Variants in RARB observed in about 807,000 individuals in gnomAD.
The protein encoded by RARB is retinoic acid receptor beta.
A neutral mutation model predicts 51.9 loss-of-function variants in RARB; 17 were observed. The ratio of observed to expected loss-of-function variants is 0.33; its 90% CI spans 0.22 to 0.49. The LOEUF (loss-of-function observed/expected upper bound fraction) is 0.49, where lower values mean the gene tolerates loss of function less well. Ranked by LOEUF, RARB falls within the 20% of genes least tolerant of loss-of-function variation. The probability of loss-of-function intolerance (pLI) is 0.99; values close to 1 mark genes in which losing one functional copy is unlikely to be tolerated. For synonymous variants in RARB, 215 were observed against 195.4 expected, an observed-to-expected ratio of 1.10 and a Z score of -0.84; for missense variants, 369 against 550.8, an observed-to-expected ratio of 0.67 and a Z score of 3.30.
intron 2 of RARB, among the ~76,000 whole-genome samples, chr3:24,996,917 G>T (rs904088054): frequency 6.6e-6 from 1 of 152,112 alleles, no homozygotes; most frequent in East Asian, 1.9e-4. Flanking sequence ...TTTATGAAAA[G>T]AATGTATATT....
chr3:25,205,696 C>T (rs1221508084), intron 5 of RARB, among the ~76,000 whole-genome samples: 3 of 152,000 alleles, frequency 2.0e-5, no homozygotes, highest in Non-Finnish European at 2.9e-5. Flanking sequence ...TAAATATGTG[C>T]ATCTATTATG....
At chr3:25,146,799 A>G (rs868721576) in intron 4 of RARB, among the ~76,000 whole-genome samples, 10 of 152,114 alleles carry the variant, frequency 6.6e-5, no homozygotes, top group South Asian at 4.2e-4. Context: ...GATTACAGGC[A>G]TGAGCCACGG....
chr3:25,308,452 T>C (rs552844794), intron 5 of RARB, among the ~76,000 whole-genome samples: 75 of 148,972 alleles, frequency 5.0e-4, no homozygotes, highest in African/African-American at 1.4e-3. Context: ...TTCTTTCTTT[T>C]TTTTTTTTTT....
chr3:25,417,630 G>A (rs1172234338), intron 5 of RARB, among the ~76,000 whole-genome samples: 1 of 152,176 alleles, frequency 6.6e-6, no homozygotes, highest in Non-Finnish European at 1.5e-5. Context: ...TCATGGAACT[G>A]TGAGTCCGTT....
chr3:24,987,086 A>G (rs1298586059), intron 2 of RARB, among the ~76,000 whole-genome samples: 3 of 152,112 alleles, frequency 2.0e-5, no homozygotes, highest in African/African-American at 4.8e-5. Flanking sequence ...TGGTGCTATA[A>G]CTCTTCTTAG....
At chr3:25,525,158 A>C (rs1698593146) in intron 3 of RARB, among the ~76,000 whole-genome samples, 2 of 152,210 alleles carry the variant, frequency 1.3e-5, no homozygotes, top group Non-Finnish European at 2.9e-5. Context: ...TCAAAAGTCC[A>C]TATGTTCATG....
chr3:25,349,245 G>A (rs1705487402), intron 5 of RARB, among the ~76,000 whole-genome samples: 1 of 152,178 alleles, frequency 6.6e-6, no homozygotes, highest in African/African-American at 2.4e-5. Context: ...TCCCCAGGGT[G>A]AATTAATTGC....
intron 5 of RARB, among the ~76,000 whole-genome samples, chr3:25,352,580 T>G (rs145457369): frequency 6.6e-4 from 101 of 152,340 alleles, no homozygotes; most frequent in African/African-American, 2.4e-3. Context: ...AAACTTAATG[T>G]TTTTCTTGTC....
At chr3:25,471,987 T>G (rs1695721123) in intron 2 of RARB, among the ~76,000 whole-genome samples, 1 of 152,194 alleles carries the variant, frequency 6.6e-6, no homozygotes, top group South Asian at 2.1e-4. Context: ...CTTCCCACTC[T>G]CTACAGTTGC....
chr3:25,390,429 A>G (rs1461024727), intron 5 of RARB, among the ~76,000 whole-genome samples: 1 of 152,204 alleles, frequency 6.6e-6, no homozygotes, highest in African/African-American at 2.4e-5. Context: ...CTCCAGAATT[A>G]TGAGCAATAA....
intron 2 of RARB, among the ~76,000 whole-genome samples, chr3:25,038,059 C>CA (rs35763212): frequency 0.018 from 2,794 of 152,208 alleles, 94 homozygotes; most frequent in African/African-American, 0.064. Context: ...TAAACCTCTC[C>CA]AATATCACTT....
intron 5 of RARB, among the ~76,000 whole-genome samples, chr3:25,365,483 C>A (rs1434723888): frequency 6.6e-6 from 1 of 152,022 alleles, no homozygotes; most frequent in Non-Finnish European, 1.5e-5. Context: ...TGTTGTGTAA[C>A]AAACCACCCA....
chr3:25,283,541 C>G (rs1173548730), intron 5 of RARB, among the ~76,000 whole-genome samples: 1 of 152,182 alleles, frequency 6.6e-6, no homozygotes, highest in Non-Finnish European at 1.5e-5. Context: ...TACCTGACAC[C>G]TTAGAGGTGG....
rs55699410 is a variant in RARB, at chr3:25,558,529, C to CT, written c.449-11210dup. Among the ~76,000 whole-genome samples the CT allele has an allele frequency of 2.1e-3, 266 of 129,512 alleles. 1 individual carries two copies. Among genetic ancestry groups the CT allele is most frequent in the South Asian group, 5.4e-3 (23 of 4,262 alleles). 85.0% of individuals were successfully genotyped at this position (129,512 alleles called of 152,430 possible). On this transcript the variant is annotated intron_variant, in intron 3 of 7. Coordinates refer to ENST00000330688, the MANE Select transcript of RARB (RefSeq NM_000965.5). ...AATTCCCAAGGATTAGTTCCTGGCC[C>CT]TTTTTTTTTTTTTTTTTTTATCTTT...
intron 5 of RARB, among the ~76,000 whole-genome samples, chr3:25,418,341 T>C (rs1391570794): frequency 6.6e-6 from 1 of 152,204 alleles, no homozygotes; most frequent in Non-Finnish European, 1.5e-5. Context: ...CATTACATGG[T>C]ACCAGAGAAT....
At chr3:24,896,063 G>A (rs745470657) in intron 2 of RARB, among the ~76,000 whole-genome samples, 2 of 152,192 alleles carry the variant, frequency 1.3e-5, no homozygotes, top group Admixed American at 1.3e-4. Flanking sequence ...ATGATGCAAC[G>A]TGTATGAGCC....
intron 1 of RARB, among the ~76,000 whole-genome samples, chr3:24,834,419 T>C (rs867317657): frequency 6.6e-6 from 1 of 152,232 alleles, no homozygotes; most frequent in African/African-American, 2.4e-5. Context: ...GCATGTTCAA[T>C]GTTGTATACA....
chr3:25,573,313 G>GA (rs1700785309), intron 4 of RARB, among the ~76,000 whole-genome samples: 2 of 152,120 alleles, frequency 1.3e-5, no homozygotes, highest in Non-Finnish European at 2.9e-5. Flanking sequence ...GGCCTCCAGG[G>GA]CCCTTTCCTA....
chr3:25,313,795 C>T (rs566834661), intron 5 of RARB, among the ~76,000 whole-genome samples: 92 of 152,150 alleles, frequency 6.0e-4, no homozygotes, highest in Middle Eastern at 6.8e-3. Context: ...ACAGTCCAGG[C>T]GTGGTGGTTC....
Sources: gnomAD v4.1 joint callset for allele counts (sites outside exome capture counted in the v4.1 genomes callset) on GRCh38, gnomAD v4.1.1 for gene constraint, MANE v1.5 for transcripts, NCBI Gene and HGNC (gene_info 2026-07-23, HGNC 2026-07-21) for gene names.